The following KDM2B variants were observed in gnomAD, a reference collection of about 807,000 sequenced individuals.
The protein encoded by KDM2B is lysine-specific demethylase 2B.
A neutral mutation model predicts 150.0 loss-of-function variants in KDM2B; 26 were observed. That is an observed-to-expected ratio of 0.17 (90% confidence interval 0.13 to 0.24). The LOEUF is 0.24. Among genes scored for constraint, KDM2B ranks in the 10% least tolerant of loss-of-function variants. KDM2B has a pLI of 1.00. For synonymous variants in KDM2B, 734 were observed against 729.5 expected, an observed-to-expected ratio of 1.01 and a Z score of -0.10; for missense variants, 1,265 against 1,816.9, an observed-to-expected ratio of 0.70 and a Z score of 5.52.
Position 121,534,587 on chromosome 12 carries a change from G to A in KDM2B, c.687C>T (p.Tyr229=). The A allele has an allele frequency of 6.2e-7, 1 of 1,612,854 alleles. No individual in the cohort carries two copies. The highest frequency in any genetic ancestry group is 1.1e-5 in the South Asian group (1 of 91,054). ...AACAACCTTTCACGCTCATCAGACA[G>A]TACCTGCAACACAGAGGCAGGGAGA... The part of the protein sequence containing the change: ...AEMKYPKVKK[Y]CLMSVKGCFT... The change falls in exon 7 of 23, where the codon TAC becomes TAT. Residue 229 remains tyrosine (Y), a synonymous_variant. Transcript: ENST00000377071.
chr12:121,525,990 G>A (rs1887095914), intron 8 of KDM2B, among the ~76,000 whole-genome samples: 1 of 152,210 alleles, frequency 6.6e-6, no homozygotes, highest in Non-Finnish European at 1.5e-5. Context: ...TCAGGAGGGA[G>A]GGGATCTGTC....
At chr12:121,441,368 T>C (rs1875004630) in intron 19 of KDM2B, 135 bp from the exon 20 acceptor site, 1 of 770,832 alleles carries the variant, frequency 1.3e-6, no homozygotes, top group Non-Finnish European at 2.0e-6. Context: ...CTTCTCTATG[T>C]AGCACCTATC....
intron 9 of KDM2B, chr12:121,516,867 G>A (rs1417260787): frequency 3.3e-4 from 180 of 553,794 alleles, no homozygotes; most frequent in South Asian, 8.1e-4. Context: ...TTTTCTCCTG[G>A]AAAAAAAAAA....
intron 12 of KDM2B, among the ~76,000 whole-genome samples, chr12:121,456,662 G>A (rs1331207756): frequency 6.6e-6 from 1 of 152,218 alleles, no homozygotes; most frequent in African/African-American, 2.4e-5. Context: ...CCCGAGGACA[G>A]TGTCTGGGCA....
intron 4 of KDM2B, among the ~76,000 whole-genome samples, chr12:121,564,151 C>T (rs1451742800): frequency 6.6e-6 from 1 of 151,578 alleles, no homozygotes; most frequent in Non-Finnish European, 1.5e-5. Flanking sequence ...ATCAGTGCAA[C>T]AAAACAAGGA....
chr12:121,427,017 A>T (rs1162598330), downstream of KDM2B, among the ~76,000 whole-genome samples: 1 of 152,216 alleles, frequency 6.6e-6, no homozygotes, highest in African/African-American at 2.4e-5. Context: ...CATCTTCACA[A>T]TATGAAAGGA....
intron 12 of KDM2B, among the ~76,000 whole-genome samples, chr12:121,455,272 C>T (rs1334361909): frequency 6.6e-6 from 1 of 152,218 alleles, no homozygotes; most frequent in Non-Finnish European, 1.5e-5. Context: ...TCTTCCCCAG[C>T]TGCTCAGGAC....
chr12:121,491,445 T>C (rs1883336932), intron 12 of KDM2B, among the ~76,000 whole-genome samples: 1 of 152,180 alleles, frequency 6.6e-6, no homozygotes, highest in African/African-American at 2.4e-5. Context: ...TTCATTCTTC[T>C]TCTGCTTCAC....
rs558601418 is a variant in KDM2B, at chr12:121,441,208, G to A, written c.3310C>T (p.Arg1104Cys). 3.7e-5 allele frequency: 60 copies of A among 1,614,072 alleles called. 1 individual carries two copies. In the South Asian group the frequency reaches 4.9e-4, roughly 13 times the overall value. The change falls in exon 20 of 23, where the codon CGC becomes TGC. Residue 1104 changes from arginine (R) to cysteine (C), a missense_variant. Physicochemically the swap from Arg to Cys is radical, Grantham distance 180 (BLOSUM62 -3). Transcript: ENST00000377071. Reference sequence around the variant, plus strand: ...GACTTGCAGTGGTTCAGGTCAATGCGGGTCCACAACCGCTTATCGCAGCAC... The same window carrying A: ...GACTTGCAGTGGTTCAGGTCAATGCAGGTCCACAACCGCTTATCGCAGCAC... ...RWCCDKRLWT[R>C]IDLNHCKSIT...
intron 11 of KDM2B, among the ~76,000 whole-genome samples, chr12:121,508,476 A>C (rs1299351609): frequency 9.2e-5 from 14 of 152,224 alleles, no homozygotes; most frequent in African/African-American, 3.4e-4. Flanking sequence ...ACCAATCCTG[A>C]GTACTTTACA....
intron 22 of KDM2B, among the ~76,000 whole-genome samples, chr12:121,438,578 T>C (rs1300060907): frequency 6.6e-6 from 1 of 152,100 alleles, no homozygotes; most frequent in East Asian, 1.9e-4. Flanking sequence ...CTCTGGTTCT[T>C]TGCGTCCACG....
At chr12:121,463,031 A>C (rs1195096551) in intron 12 of KDM2B, among the ~76,000 whole-genome samples, 1 of 151,010 alleles carries the variant, frequency 6.6e-6, no homozygotes, top group Non-Finnish European at 1.5e-5. Context: ...AAAAAAAAAA[A>C]AGAGGCCAGG....
downstream of KDM2B, among the ~76,000 whole-genome samples, chr12:121,425,018 A>G (rs536726355): frequency 1.3e-5 from 2 of 152,330 alleles, no homozygotes; most frequent in East Asian, 3.9e-4. Context: ...CACATAAGAA[A>G]TGAGAAACTT....
chr12:121,427,842 C>T (rs1872588082), downstream of KDM2B, among the ~76,000 whole-genome samples: 1 of 152,192 alleles, frequency 6.6e-6, no homozygotes, highest in African/African-American at 2.4e-5. Flanking sequence ...AGCCACAAAT[C>T]TGTCTTGGCT....
chr12:121,445,190 C>G, intron 14 of KDM2B, 85 bp downstream of exon 14: 2 of 1,500,866 alleles, frequency 1.3e-6, no homozygotes, highest in African/African-American at 2.7e-5. Context: ...ACTGCACGAC[C>G]TGCATCCCAC....
At position 121,521,156 on chromosome 12, in the gene KDM2B, C is replaced by T; in HGVS notation, c.932-56G>A. Reference sequence around the variant, plus strand: ...CCGCTGGCCCCTGTGGGCTCCCACACCTCACAAGGCTGCAGGGAGGGAGAG... The same window carrying T: ...CCGCTGGCCCCTGTGGGCTCCCACATCTCACAAGGCTGCAGGGAGGGAGAG... On this transcript the variant is annotated intron_variant, in intron 8 of 22. Coordinates refer to ENST00000377071, the MANE Select transcript of KDM2B (RefSeq NM_032590.5). This position sits in a 1 kb window ranked among gnomAD's most constrained non-coding sequence, Gnocchi z 4.9. 1 of 1,210,430 alleles carries T rather than the reference C, an allele frequency of 8.3e-7. No homozygotes were observed. The highest frequency in any genetic ancestry group is 1.2e-6 in the Non-Finnish European group (1 of 818,028). The allele number at this position is 1,210,430 out of a possible 1,614,324, so 75.0% of individuals were successfully genotyped here.
intron 12 of KDM2B, among the ~76,000 whole-genome samples, chr12:121,471,433 C>T (rs1379586237): frequency 6.6e-6 from 1 of 152,162 alleles, no homozygotes; most frequent in Non-Finnish European, 1.5e-5. Context: ...GTGTACATTT[C>T]TGATCTGCCT....
At chr12:121,428,273 A>T (rs967199221), downstream of KDM2B, among the ~76,000 whole-genome samples, 2 of 151,536 alleles carry the variant, frequency 1.3e-5, no homozygotes, top group African/African-American at 4.9e-5. Context: ...GCTCACTGCA[A>T]CCTCCGTGTC....
At position 121,578,951 on chromosome 12, in the gene KDM2B, G is replaced by A. The variant is rs781809581; in HGVS notation, c.127-5C>T. 24 of 1,610,876 alleles carry A rather than the reference G, an allele frequency of 1.5e-5. No homozygotes were observed. The highest frequency in any genetic ancestry group is 3.3e-4 in the Middle Eastern group (2 of 6,070). ...TCGCTGGCGGTCAATCGGGCGCTGC[G>A]AGGACCCAAACCAGAGAGCCCGGGA... On this transcript the variant is annotated splice_region_variant and splice_polypyrimidine_tract_variant and intron_variant, in intron 1 of 22. Coordinates refer to ENST00000377071, the MANE Select transcript of KDM2B (RefSeq NM_032590.5).
Sources: allele counts gnomAD v4.1 joint callset (sites outside exome capture counted in the v4.1 genomes callset), GRCh38; gene constraint gnomAD v4.1.1; non-coding constraint Gnocchi (gnomAD v3.1); transcripts MANE v1.5; gene names NCBI Gene and HGNC (gene_info 2026-07-23, HGNC 2026-07-21).